Variants in YWHAH observed in about 807,000 individuals in gnomAD.
YWHAH encodes 14-3-3 protein eta.
Under a neutral mutation model 22.9 loss-of-function variants are expected in YWHAH, and 6 were observed. The ratio of observed to expected loss-of-function variants is 0.26; its 90% confidence interval spans 0.14 to 0.52. The LOEUF (loss-of-function observed/expected upper bound fraction) is 0.52, where lower values mean the gene tolerates loss of function less well. YWHAH is among the 20% of genes least tolerant of loss of function. The probability of loss-of-function intolerance (pLI) is 0.97; values close to 1 mark genes in which losing one functional copy is unlikely to be tolerated. For missense variants in YWHAH, 173 were observed against 308.6 expected, an observed-to-expected ratio of 0.56 and a Z score of 3.29; for synonymous variants, 135 against 124.5, an observed-to-expected ratio of 1.08 and a Z score of -0.56.
chr22:31,952,630 C>T (rs1170613648), intron 1 of YWHAH, among the ~76,000 whole-genome samples: 1 of 152,210 alleles, frequency 6.6e-6, no homozygotes, highest in Non-Finnish European at 1.5e-5. Context: ...ATGTTAGTCA[C>T]CCTCAGCTAA....
At chr22:31,954,261 C>CT (rs918262935) in intron 1 of YWHAH, among the ~76,000 whole-genome samples, 8 of 151,842 alleles carry the variant, frequency 5.3e-5, no homozygotes, top group South Asian at 4.2e-4. Flanking sequence ...GCTTTGCTTT[C>CT]TTTTTTTTCA....
At chr22:31,948,245 G>A (rs909583169) in intron 1 of YWHAH, among the ~76,000 whole-genome samples, 2 of 152,176 alleles carry the variant, frequency 1.3e-5, no homozygotes, top group Non-Finnish European at 2.9e-5. Flanking sequence ...CCCAACCACT[G>A]GCAAAAGGCT....
intron 1 of YWHAH, among the ~76,000 whole-genome samples, chr22:31,955,209 T>A (rs2093848037): frequency 6.6e-6 from 1 of 152,178 alleles, no homozygotes; most frequent in African/African-American, 2.4e-5. Context: ...GGGAGAGGGC[T>A]GGGAGTATCA....
intron 1 of YWHAH, among the ~76,000 whole-genome samples, chr22:31,950,837 A>C (rs1438187552): frequency 1.3e-5 from 2 of 152,162 alleles, no homozygotes; most frequent in African/African-American, 2.4e-5. Context: ...AGGCCAGGCA[A>C]GATCCTCACT....
intron 1 of YWHAH, among the ~76,000 whole-genome samples, chr22:31,948,405 TAAAGA>T (rs2093838088): frequency 2.0e-5 from 3 of 151,410 alleles, no homozygotes; most frequent in South Asian, 2.1e-4. Context: ...TTTTTTTTCT[TAAAGA>T]GATGGTCTCG....
intron 1 of YWHAH, among the ~76,000 whole-genome samples, chr22:31,947,107 A>C (rs1377328208): frequency 1.3e-5 from 2 of 152,188 alleles, no homozygotes; most frequent in Non-Finnish European, 1.5e-5. Context: ...CTCAGTCTCT[A>C]TGTTATTAAT....
intron 1 of YWHAH, chr22:31,947,619 T>A: frequency 2.6e-6 from 1 of 379,908 alleles, no homozygotes; most frequent in South Asian, 1.9e-5. Context: ...TAAAGGAGTA[T>A]CTTCAAGCTC....
intron 1 of YWHAH, among the ~76,000 whole-genome samples, chr22:31,951,468 C>T (rs560075938): frequency 3.9e-5 from 6 of 152,168 alleles, no homozygotes; most frequent in Non-Finnish European, 8.8e-5. Context: ...CCTGGCAGCT[C>T]GGGGGTGGCA....
At chr22:31,945,013 A>T in intron 1 of YWHAH, 193 bp downstream of exon 1, 1 of 1,113,630 alleles carries the variant, frequency 9.0e-7, no homozygotes, top group Non-Finnish European at 1.1e-6. Context: ...GGCTGGGCCC[A>T]GGGTGGGGGA....
At position 31,956,678 on chromosome 22, in the gene YWHAH, C is replaced by T. The variant is rs769282289; in HGVS notation, c.627C>T (p.Asp209=). 6.2e-7 allele frequency: 1 copy of T among 1,614,126 alleles called. No individual in the cohort carries two copies. The highest frequency in any genetic ancestry group is 8.5e-7 in the Non-Finnish European group (1 of 1,180,022). ...TCGATGATGCCATAGCTGAGCTGGACACACTAAACGAGGATTCCTATAAGG... is the reference window on the plus strand; with the variant it reads ...TCGATGATGCCATAGCTGAGCTGGATACACTAAACGAGGATTCCTATAAGG... ...QAFDDAIAEL[D]TLNEDSYKDS... Residue 209 remains aspartate, a synonymous_variant, in exon 2 of 2, where the codon GAC becomes GAT. Coordinates refer to ENST00000248975, the MANE Select transcript of YWHAH (RefSeq NM_003405.4). This position sits in a 1 kb window ranked among gnomAD's most constrained non-coding sequence, Gnocchi z 5.1.
At chr22:31,945,593 A>C in intron 1 of YWHAH, 1 of 1,303,404 alleles carries the variant, frequency 7.7e-7, no homozygotes, top group Non-Finnish European at 1.0e-6. Flanking sequence ...GCCACACCCT[A>C]GCAAAATACC....
At chr22:31,950,405 G>A (rs759786496) in intron 1 of YWHAH, 1 of 779,468 alleles carries the variant, frequency 1.3e-6, no homozygotes, top group East Asian at 2.4e-5. Flanking sequence ...GGCTGCAGTG[G>A]CATTCCCTTC....
intron 1 of YWHAH, among the ~76,000 whole-genome samples, chr22:31,955,470 G>A (rs991690191): frequency 2.1e-5 from 3 of 146,132 alleles, no homozygotes; most frequent in African/African-American, 7.7e-5. Context: ...CTTTTGAGAC[G>A]GAGGCTTGCT....
chr22:31,944,853 G>T, intron 1 of YWHAH, 33 bp downstream of exon 1: 3 of 1,207,440 alleles, frequency 2.5e-6, no homozygotes, highest in Non-Finnish European at 3.1e-6. Flanking sequence ...CGGCTGGCCG[G>T]GGGGGGCCTG....
intron 1 of YWHAH, among the ~76,000 whole-genome samples, chr22:31,954,461 ACT>A (rs1002911727): frequency 1.3e-5 from 2 of 152,008 alleles, no homozygotes; most frequent in Non-Finnish European, 2.9e-5. Flanking sequence ...TCTGTTAGCA[ACT>A]CTGTTAGGAA....
chr22:31,951,672 A>AGT (rs2093843480), intron 1 of YWHAH, among the ~76,000 whole-genome samples: 1 of 152,136 alleles, frequency 6.6e-6, no homozygotes, highest in Non-Finnish European at 1.5e-5. Context: ...TAGGAAGATA[A>AGT]GTGAATGATC....
In YWHAH at chr22:31,956,159, T is replaced by C. The variant is rs1364893362; in HGVS notation, c.108T>C (p.Pro36=). 5 of 1,608,238 alleles carry C rather than the reference T, an allele frequency of 3.1e-6. No homozygotes were observed. Among genetic ancestry groups the C allele is most frequent in the Admixed American group, 1.7e-5 (1 of 58,768 alleles). The change falls in exon 2 of 2, where the codon CCT becomes CCC. Residue 36 remains proline (P), a synonymous_variant. Transcript: ENST00000248975. The surrounding 1 kb of genome is among the most constrained non-coding windows in gnomAD (Gnocchi z 5.1). ...TGCAGGTGACAGAGCTGAATGAACC[T>C]CTCTCCAATGAAGATCGAAATCTCC... ...AMKAVTELNE[P]LSNEDRNLLS...
At chr22:31,955,879 C>T (rs900616833) in intron 1 of YWHAH, among the ~76,000 whole-genome samples, 2 of 152,122 alleles carry the variant, frequency 1.3e-5, no homozygotes, top group African/African-American at 4.8e-5. Context: ...CTTATCAGAC[C>T]CGAATTATGA....
At chr22:31,945,063 G>A in intron 1 of YWHAH, 1 of 1,106,134 alleles carries the variant, frequency 9.0e-7, no homozygotes, top group Non-Finnish European at 1.1e-6. Context: ...GGCAGCCCCG[G>A]AAGGGGGGCG....
Sources: gnomAD v4.1 joint callset for allele counts (sites outside exome capture counted in the v4.1 genomes callset) on GRCh38, gnomAD v4.1.1 for gene constraint, Gnocchi (gnomAD v3.1) non-coding constraint, MANE v1.5 for transcripts, NCBI Gene and HGNC (gene_info 2026-07-23, HGNC 2026-07-21) for gene names.